The following NRG3 variants were observed in gnomAD, a reference collection of about 807,000 sequenced individuals.
NRG3 encodes pro-neuregulin-3, membrane-bound isoform.
Under a neutral mutation model 66.9 loss-of-function variants are expected in NRG3, and 31 were observed. The observed-to-expected ratio is 0.46, with a 90% CI of 0.35 to 0.63. The LOEUF is 0.63. NRG3 is among the 20% of genes least tolerant of loss of function. The pLI, the probability that NRG3 is intolerant of heterozygous loss-of-function variation, is 0.00. For synonymous variants in NRG3, 393 were observed against 359.4 expected, an observed-to-expected ratio of 1.09 and a Z score of -1.06; for missense variants, 910 against 878.9, an observed-to-expected ratio of 1.04 and a Z score of -0.45.
intron 1 of NRG3, among the ~76,000 whole-genome samples, chr10:82,233,285 T>A (rs1629967): frequency 0.19 from 28,917 of 152,014 alleles, 2,938 homozygotes; most frequent in Middle Eastern, 0.22. Context: ...GAATGGTGTG[T>A]ACCCGGGAGG....
In NRG3 at chr10:82,985,973, G is replaced by T. The variant is rs974353239; in HGVS notation, c.*368G>T. ...TTCAAAAAGAGGAGAGCTGCATCCCGCAGGTGGATGCACCAGTGAGCAGGT... is the reference window on the plus strand; with the variant it reads ...TTCAAAAAGAGGAGAGCTGCATCCCTCAGGTGGATGCACCAGTGAGCAGGT... On this transcript the variant is annotated 3_prime_UTR_variant, in exon 9 of 9. Transcript: ENST00000372141. 2 of 182,404 alleles carry T rather than the reference G, an allele frequency of 1.1e-5. No homozygotes were observed. Among genetic ancestry groups the T allele is most frequent in the Non-Finnish European group, 1.1e-5 (1 of 87,118 alleles). The allele number at this position is 182,404 out of a possible 1,614,324, so 11.3% of individuals were successfully genotyped here.
chr10:82,577,999 C>T (rs1436528619), intron 2 of NRG3, among the ~76,000 whole-genome samples: 1 of 151,462 alleles, frequency 6.6e-6, no homozygotes, highest in African/African-American at 2.4e-5. Context: ...CTCTAAGTAT[C>T]TTCTCATGAA....
intron 6 of NRG3, among the ~76,000 whole-genome samples, chr10:82,968,283 C>A (rs547824770): frequency 2.0e-5 from 3 of 152,150 alleles, no homozygotes; most frequent in African/African-American, 7.2e-5. Flanking sequence ...AAGCAACCTC[C>A]GGATAGGAAT....
chr10:82,383,292 C>T (rs910471539), intron 2 of NRG3, among the ~76,000 whole-genome samples: 1 of 151,314 alleles, frequency 6.6e-6, no homozygotes, highest in Admixed American at 6.6e-5. Context: ...TTTATATCTT[C>T]TCTCTCTTAA....
chr10:82,497,728 A>T (rs1843745748), intron 2 of NRG3, among the ~76,000 whole-genome samples: 1 of 152,130 alleles, frequency 6.6e-6, no homozygotes, highest in Admixed American at 6.6e-5. Flanking sequence ...TTTCTTCCAG[A>T]TGGTGATTTC....
chr10:82,655,182 A>G (rs1033179547), intron 2 of NRG3, among the ~76,000 whole-genome samples: 1 of 152,118 alleles, frequency 6.6e-6, no homozygotes. Flanking sequence ...CGAAGACAAA[A>G]TAAAATGATT....
At chr10:82,685,406 G>A (rs193132955) in intron 2 of NRG3, among the ~76,000 whole-genome samples, 5 of 152,144 alleles carry the variant, frequency 3.3e-5, no homozygotes, top group Non-Finnish European at 7.4e-5. Flanking sequence ...CAGTAAAAAC[G>A]AACTAAGTAC....
chr10:82,818,377 A>C (rs2061804079), intron 3 of NRG3, among the ~76,000 whole-genome samples: 2 of 152,158 alleles, frequency 1.3e-5, no homozygotes, highest in South Asian at 4.1e-4. Flanking sequence ...GAAGAGGGCA[A>C]CTAACTTCTC....
intron 1 of NRG3, among the ~76,000 whole-genome samples, chr10:82,254,199 G>A (rs893069292): frequency 6.6e-6 from 1 of 152,146 alleles, no homozygotes; most frequent in Non-Finnish European, 1.5e-5. Context: ...GATTAAGAAT[G>A]GAAGGTTCCA....
At chr10:82,588,075 G>A (rs2046776539) in intron 2 of NRG3, among the ~76,000 whole-genome samples, 1 of 152,200 alleles carries the variant, frequency 6.6e-6, no homozygotes, top group Admixed American at 6.5e-5. Context: ...TGGCAGACAA[G>A]TACAAGTGAG....
At chr10:81,913,369 C>T (rs904561984) in intron 1 of NRG3, among the ~76,000 whole-genome samples, 5 of 152,194 alleles carry the variant, frequency 3.3e-5, no homozygotes, top group South Asian at 2.1e-4. Context: ...AGGGCAGAAC[C>T]GTGGCTTTTC....
intron 1 of NRG3, among the ~76,000 whole-genome samples, chr10:82,252,613 T>A (rs2077536175): frequency 6.6e-6 from 1 of 152,194 alleles, no homozygotes; most frequent in Admixed American, 6.5e-5. Context: ...AAAATGAGGA[T>A]TTGGATTCAC....
At chr10:82,649,459 C>CTTTTTTTTTTTTTTTTT (rs71469930) in intron 2 of NRG3, among the ~76,000 whole-genome samples, 2 of 48,794 alleles carry the variant, frequency 4.1e-5, no homozygotes, top group African/African-American at 1.3e-4. Context: ...CTGGTGCAGG[C>CTTTTTTTTTTTTTTTTT]TTTTTTTTTT....
At chr10:82,762,767 T>A (rs1330446377) in intron 3 of NRG3, among the ~76,000 whole-genome samples, 2 of 152,194 alleles carry the variant, frequency 1.3e-5, no homozygotes, top group Admixed American at 6.5e-5. Context: ...AAGCTTTCCA[T>A]GTCAACTAGC....
At chr10:82,882,280 A>C (rs1049657776) in intron 4 of NRG3, among the ~76,000 whole-genome samples, 3 of 152,224 alleles carry the variant, frequency 2.0e-5, no homozygotes, top group African/African-American at 4.8e-5. Flanking sequence ...TGTGAAAGAC[A>C]CAAACGACAT....
chr10:82,228,927 C>G (rs2076307326), intron 1 of NRG3: 1 of 152,206 alleles, frequency 6.6e-6, no homozygotes, highest in Non-Finnish European at 1.5e-5. Flanking sequence ...TGAGACTTAC[C>G]ACTTGTATGA....
intron 2 of NRG3, among the ~76,000 whole-genome samples, chr10:82,550,710 A>C (rs956511864): frequency 6.6e-6 from 1 of 152,172 alleles, no homozygotes; most frequent in Non-Finnish European, 1.5e-5. Flanking sequence ...ATCAGTTAGG[A>C]GTTAGACCAT....
chr10:82,720,919 T>C (rs1038025377), intron 2 of NRG3, among the ~76,000 whole-genome samples: 1 of 148,718 alleles, frequency 6.7e-6, no homozygotes, highest in Non-Finnish European at 1.5e-5. Flanking sequence ...TGAGTTCAAG[T>C]CACTGCTCAT....
In NRG3 at chr10:82,233,981, C is replaced by G. The variant is rs540925082; in HGVS notation, c.824-124758C>G. ...TCTTACCCCTTTTCTGTCACAGTAT[C>G]CCCCCATCATATTCTCCACATTTAT... On this transcript the variant is annotated intron_variant, in intron 1 of 8. Coordinates refer to ENST00000372141, the MANE Select transcript of NRG3 (RefSeq NM_001010848.4). 1.6e-4 allele frequency among the ~76,000 whole-genome samples: 24 copies of G among 152,186 alleles called. No individual in the cohort carries two copies. The East Asian group carries it at 2.1e-3, about 13-fold the overall frequency.
Sources: allele counts gnomAD v4.1 joint callset (sites outside exome capture counted in the v4.1 genomes callset), GRCh38; gene constraint gnomAD v4.1.1; transcripts MANE v1.5; gene names NCBI Gene and HGNC (gene_info 2026-07-23, HGNC 2026-07-21).